Variants in ABRAXAS2 observed in about 807,000 individuals in gnomAD.
The protein encoded by ABRAXAS2 is BRISC complex subunit Abraxas 2.
In ABRAXAS2, 23 loss-of-function variants were observed where a neutral mutation model predicts 49.0. The observed-to-expected ratio is 0.47, with a 90% CI of 0.34 to 0.66. The LOEUF (loss-of-function observed/expected upper bound fraction) is 0.66. Among genes scored for constraint, ABRAXAS2 ranks in the 30% least tolerant of loss-of-function variants. ABRAXAS2 has a pLI of 0.01. For missense variants in ABRAXAS2, 443 were observed against 511.9 expected (o/e 0.87, Z 1.30); for synonymous variants, 168 against 180.2 (o/e 0.93, Z 0.54).
chr10:124,831,295 G>C lies in ABRAXAS2; in HGVS notation c.664-54G>C, dbSNP rs1290788514. Reference sequence around the variant, plus strand: ...GAGTTGTAATCAGCGCTGAATTTATGGAATGCCTTGTGCTTGAACTTGAAG... The same window carrying C: ...GAGTTGTAATCAGCGCTGAATTTATCGAATGCCTTGTGCTTGAACTTGAAG... On this transcript the variant is annotated intron_variant, in intron 7 of 8. Coordinates refer to ENST00000298492, the MANE Select transcript of ABRAXAS2 (RefSeq NM_032182.4). The C allele has an allele frequency of 4.7e-6, 5 of 1,067,376 alleles. No homozygotes were observed. The Admixed American group carries it at 8.8e-5, about 19-fold the overall frequency. The allele number at this position is 1,067,376 out of a possible 1,614,324, so 66.1% of individuals were successfully genotyped here.
At chr10:124,833,225 GGGA>G (rs1011934206) in intron 8 of ABRAXAS2, among the ~76,000 whole-genome samples, 4 of 151,630 alleles carry the variant, frequency 2.6e-5, no homozygotes, top group Admixed American at 2.0e-4. Context: ...TCAGCACTTT[GGGA>G]GGCCGAGGCA....
intron 2 of ABRAXAS2, among the ~76,000 whole-genome samples, chr10:124,809,751 ATTTTTTT>A (rs556850092): frequency 7.4e-6 from 1 of 135,978 alleles, no homozygotes; most frequent in African/African-American, 2.7e-5. Context: ...ACATTATGAG[ATTTTTTT>A]TTTTTTTTTT....
At chr10:124,810,785 G>A (rs1262735488) in intron 2 of ABRAXAS2, among the ~76,000 whole-genome samples, 1 of 151,570 alleles carries the variant, frequency 6.6e-6, no homozygotes, top group Non-Finnish European at 1.5e-5. Flanking sequence ...GTTTCACCAT[G>A]TTGGCCAGGA....
intron 8 of ABRAXAS2, among the ~76,000 whole-genome samples, chr10:124,833,214 C>T (rs1950946793): frequency 6.6e-6 from 1 of 150,496 alleles, no homozygotes; most frequent in Non-Finnish European, 1.5e-5. Flanking sequence ...CGCCTGTAAT[C>T]TCAGCACTTT....
rs959330655 is a variant in ABRAXAS2 at position 124,836,647 on chromosome 10, T to C, written c.*1676T>C. ...CTGACAAAGCAGTTAAATGTGACAA[T>C]AAAAAACTTATTTAATCATGGTACC... On this transcript the variant is annotated 3_prime_UTR_variant, in exon 9 of 9. Transcript: ENST00000298492. 2.0e-5 allele frequency: 3 copies of C among 152,628 alleles called. No individual in the cohort carries two copies. Among genetic ancestry groups the C allele is most frequent in the East Asian group, 1.9e-4 (1 of 5,198 alleles). The allele number at this position is 152,628 out of a possible 1,614,324, so 9.5% of individuals were successfully genotyped here. A position where few individuals can be genotyped will look rare whatever the true frequency, so the allele number is the denominator to read the frequency against.
Position 124,834,881 on chromosome 10 carries a change from T to C in ABRAXAS2, c.1158T>C (p.Pro386=), listed in dbSNP as rs1272915943. The change falls in exon 9 of 9, where the codon CCT becomes CCC. Residue 386 remains proline, a synonymous_variant. Transcript: ENST00000298492. ...DYENLIDPTE[P]SNSEYSHSKD... ...AAAATTTGATTGACCCTACAGAGCCTTCTAATAGTGAATACTCACATTCAA... is the reference window on the plus strand; with the variant it reads ...AAAATTTGATTGACCCTACAGAGCCCTCTAATAGTGAATACTCACATTCAA... 1 of 1,614,054 alleles carries C rather than the reference T, an allele frequency of 6.2e-7. No homozygotes were observed. Among genetic ancestry groups the C allele is most frequent in the African/African-American group, 1.3e-5 (1 of 74,922 alleles).
Position 124,835,025 on chromosome 10 carries a change from A to AGGGTT in ABRAXAS2, c.*55_*59dup. On this transcript the variant is annotated 3_prime_UTR_variant, in exon 9 of 9. Coordinates refer to ENST00000298492, the MANE Select transcript of ABRAXAS2 (RefSeq NM_032182.4). The stretch of plus-strand genomic sequence containing the variant: ...CTGTTTTTCTTCATTGCTTACTGAG[A>AGGGTT]GGGTTTTTGAGAACTTAATCTGGGG... 1 of 1,385,866 alleles carries AGGGTT rather than the reference A, an allele frequency of 7.2e-7. No individual in the cohort carries two copies. The highest frequency in any genetic ancestry group is 9.8e-7 in the Non-Finnish European group (1 of 1,017,700). 85.8% of individuals were successfully genotyped at this position (1,385,866 alleles called of 1,614,324 possible). A position where few individuals can be genotyped will look rare whatever the true frequency, so the allele number is the denominator to read the frequency against.
At chr10:124,808,375 A>G (rs764841657) in intron 2 of ABRAXAS2, among the ~76,000 whole-genome samples, 1 of 151,836 alleles carries the variant, frequency 6.6e-6, no homozygotes, top group Non-Finnish European at 1.5e-5. Flanking sequence ...ACGGGTTTTC[A>G]CCGTGTTAGC....
In ABRAXAS2 at chr10:124,826,608, G is replaced by A; in HGVS notation, c.281G>A (p.Trp94Ter). ...LKDRRKKVIG[W>*]YRFRRNTQQQ... ...CTTTTCTTTCAGAAAGTCATTGGGT[G>A]GTACAGATTCCGGCGCAATACGCAG... Residue 94 changes from tryptophan to a stop codon, truncating the protein, a stop_gained, in exon 5 of 9, where the codon TGG (tryptophan) becomes TAG (stop). Transcript: ENST00000298492. LOFTEE classifies it high-confidence loss of function. The A allele has an allele frequency of 6.2e-7, 1 of 1,612,656 alleles. No homozygotes were observed. Among genetic ancestry groups the A allele is most frequent in the Non-Finnish European group, 8.5e-7 (1 of 1,179,364 alleles).
chr10:124,819,592 T>G (rs1261973787), intron 4 of ABRAXAS2, 142 bp downstream of exon 4: 1 of 729,910 alleles, frequency 1.4e-6, no homozygotes, highest in African/African-American at 1.8e-5. Flanking sequence ...GATTTTTTGA[T>G]GTATTAATAG....
intron 3 of ABRAXAS2, among the ~76,000 whole-genome samples, chr10:124,818,073 A>G (rs1272715671): frequency 1.3e-5 from 2 of 152,150 alleles, no homozygotes; most frequent in Non-Finnish European, 2.9e-5. Context: ...TCAGCAAAGT[A>G]GTACCAGAAC....
chr10:124,822,549 T>C (rs1950868162), intron 4 of ABRAXAS2, among the ~76,000 whole-genome samples: 1 of 152,124 alleles, frequency 6.6e-6, no homozygotes, highest in Non-Finnish European at 1.5e-5. Context: ...TCCCAGCACT[T>C]TGGGAGGCCG....
chr10:124,834,843 G>A lies in ABRAXAS2; in HGVS notation c.1120G>A (p.Asp374Asn), dbSNP rs201795926. ...TGGAGACAGTGGTGAGGATTCAGAC[G>A]ACAGTGATTATGAAAATTTGATTGA... ...AAGDSGEDSD[D>N]SDYENLIDPT... The change falls in exon 9 of 9, where the codon GAC becomes AAC. Residue 374 changes from aspartate to asparagine, a missense_variant. Physicochemically the swap from Asp to Asn is conservative, Grantham distance 23. Coordinates refer to ENST00000298492, the MANE Select transcript of ABRAXAS2 (RefSeq NM_032182.4). 1.1e-4 allele frequency: 180 copies of A among 1,614,078 alleles called. 1 individual carries two copies. Among genetic ancestry groups the A allele is most frequent in the Middle Eastern group, 3.3e-4 (2 of 6,062 alleles).
intron 2 of ABRAXAS2, among the ~76,000 whole-genome samples, chr10:124,807,201 T>C (rs1950750900): frequency 6.7e-6 from 1 of 148,386 alleles, no homozygotes; most frequent in African/African-American, 2.5e-5. Flanking sequence ...TAGTCCCAGC[T>C]ACTCAGGAGG....
At chr10:124,814,384 C>A (rs930864015) in intron 2 of ABRAXAS2, among the ~76,000 whole-genome samples, 1 of 150,156 alleles carries the variant, frequency 6.7e-6, no homozygotes, top group Non-Finnish European at 1.5e-5. Context: ...GAGTCTCACT[C>A]TGTTGCCCAG....
chr10:124,824,534 C>CAAAAAAAAAAA (rs531680713), intron 4 of ABRAXAS2, among the ~76,000 whole-genome samples: 1 of 78,190 alleles, frequency 1.3e-5, no homozygotes, highest in African/African-American at 3.9e-5. Context: ...TCTCAAAAAC[C>CAAAAAAAAAAA]AAAAAAAAAA....
At chr10:124,819,200 G>A (rs753311374) in intron 3 of ABRAXAS2, among the ~76,000 whole-genome samples, 184 bp from the exon 4 acceptor site, 3 of 152,082 alleles carry the variant, frequency 2.0e-5, no homozygotes, top group Admixed American at 6.6e-5. Context: ...TTGAGTATTC[G>A]TCAATGCAAA....
chr10:124,821,769 C>A (rs1205383671), intron 4 of ABRAXAS2, among the ~76,000 whole-genome samples: 1 of 152,154 alleles, frequency 6.6e-6, no homozygotes, highest in Non-Finnish European at 1.5e-5. Flanking sequence ...TCTAAATTAA[C>A]ACAGAGATTT....
At chr10:124,826,395 T>C (rs1294999355) in intron 4 of ABRAXAS2, among the ~76,000 whole-genome samples, 200 bp from the exon 5 acceptor site, 1 of 152,256 alleles carries the variant, frequency 6.6e-6, no homozygotes, top group Non-Finnish European at 1.5e-5. Flanking sequence ...CATGTTCCTT[T>C]TTATCACTAA....
Sources: gnomAD v4.1 joint callset for allele counts (sites outside exome capture counted in the v4.1 genomes callset) on GRCh38, gnomAD v4.1.1 for gene constraint, MANE v1.5 for transcripts, NCBI Gene and HGNC (gene_info 2026-07-23, HGNC 2026-07-21) for gene names.